The following ZC3H12C variants were observed in gnomAD, a reference collection of about 807,000 sequenced individuals.
ZC3H12C encodes the protein zinc finger CCCH-type containing 12C.
ZC3H12C carries 20 observed loss-of-function variants against 76.3 expected under a neutral mutation model. That is an observed-to-expected ratio of 0.26 (90% CI 0.18 to 0.38). The LOEUF (loss-of-function observed/expected upper bound fraction) is 0.38. Ranked by LOEUF, ZC3H12C falls within the 10% of genes least tolerant of loss-of-function variation. ZC3H12C has a pLI of 1.00. For synonymous variants in ZC3H12C, 352 were observed against 399.6 expected (o/e 0.88, Z 1.42); for missense variants, 874 against 1,086.5 (o/e 0.80, Z 2.75).
chr11:110,143,581 A>C (rs1862106648), intron 2 of ZC3H12C, among the ~76,000 whole-genome samples: 1 of 152,094 alleles, frequency 6.6e-6, no homozygotes, highest in Non-Finnish European at 1.5e-5. Flanking sequence ...TAATATAATT[A>C]ACTATATCTA....
At chr11:110,130,981 C>G (rs778780308) in intron 1 of ZC3H12C, 45 of 1,503,370 alleles carry the variant, frequency 3.0e-5, no homozygotes, top group Non-Finnish European at 3.9e-5. Flanking sequence ...AAAGACATTA[C>G]CATTCCATCT....
intron 1 of ZC3H12C, among the ~76,000 whole-genome samples, chr11:110,119,792 G>A (rs1591466373): frequency 6.6e-6 from 1 of 152,118 alleles, no homozygotes; most frequent in Non-Finnish European, 1.5e-5. Flanking sequence ...GTGATAGCGG[G>A]GCGAAGGAGC....
intron 1 of ZC3H12C, among the ~76,000 whole-genome samples, chr11:110,134,778 G>T (rs1189281543): frequency 6.6e-6 from 1 of 152,116 alleles, no homozygotes; most frequent in Non-Finnish European, 1.5e-5. Flanking sequence ...GTAGAACAAT[G>T]ATATTAAAGT....
chr11:110,141,891 T>C (rs1862072738), intron 2 of ZC3H12C, among the ~76,000 whole-genome samples: 1 of 152,226 alleles, frequency 6.6e-6, no homozygotes, highest in Admixed American at 6.5e-5. Context: ...TTTTTACTTT[T>C]TTAATATGGT....
chr11:110,113,003 CA>C (rs1297377834), intron 1 of ZC3H12C, among the ~76,000 whole-genome samples: 3 of 148,686 alleles, frequency 2.0e-5, no homozygotes, highest in East Asian at 2.0e-4. Flanking sequence ...CCCCCCCTAC[CA>C]AAAAAAAAGA....
intron 1 of ZC3H12C, among the ~76,000 whole-genome samples, chr11:110,128,324 G>A (rs78867454): frequency 3.3e-5 from 5 of 152,120 alleles, no homozygotes; most frequent in Admixed American, 1.3e-4. Flanking sequence ...ACTAGCAACC[G>A]AGATAGTCTA....
intron 1 of ZC3H12C, among the ~76,000 whole-genome samples, chr11:110,128,592 C>T (rs1011862659): frequency 6.6e-6 from 1 of 152,152 alleles, no homozygotes; most frequent in Non-Finnish European, 1.5e-5. Context: ...ACTGTCTATT[C>T]ATACCAAGTA....
At position 110,171,779 on chromosome 11, in the gene ZC3H12C, T is replaced by G. The variant is rs1347255191; in HGVS notation, c.*6042T>G. 1.3e-5 allele frequency: 2 copies of G among 152,204 alleles called. No homozygotes were observed. Among genetic ancestry groups the G allele is most frequent in the African/African-American group, 4.8e-5 (2 of 41,438 alleles). 9.4% of individuals were successfully genotyped at this position (152,204 alleles called of 1,614,324 possible). On this transcript the variant is annotated 3_prime_UTR_variant, in exon 6 of 6. Coordinates refer to ENST00000278590, the MANE Select transcript of ZC3H12C (RefSeq NM_033390.2). ...AACACATGGTCAGTATCAATGTAAA[T>G]GTTAGAGCCATGATTAATTCCTATG...
intron 1 of ZC3H12C, among the ~76,000 whole-genome samples, chr11:110,109,761 T>C (rs1262528471): frequency 6.6e-6 from 1 of 152,200 alleles, no homozygotes; most frequent in Non-Finnish European, 1.5e-5. Flanking sequence ...CTGTAGGCTA[T>C]AATTTTATTG....
Position 110,169,646 on chromosome 11 carries a change from T to TAAC in ZC3H12C, c.*3911_*3913dup, listed in dbSNP as rs1229687765. On this transcript the variant is annotated 3_prime_UTR_variant, in exon 6 of 6. Transcript: ENST00000278590. ...AATATATTAAAGATGTTAATTCAGCTAACAGTTAAGTTTCCAAGGTATACA... is the reference window on the plus strand; with the variant it reads ...AATATATTAAAGATGTTAATTCAGCTAACAACAGTTAAGTTTCCAAGGTATACA... 1 of 152,140 alleles carries TAAC rather than the reference T, an allele frequency of 6.6e-6. No homozygotes were observed. Among genetic ancestry groups the TAAC allele is most frequent in the Admixed American group, 6.6e-5 (1 of 15,260 alleles). 9.4% of individuals were successfully genotyped at this position (152,140 alleles called of 1,614,324 possible).
chr11:110,128,889 CAAAAAAAAAAAA>C (rs145436449), intron 1 of ZC3H12C, among the ~76,000 whole-genome samples: 30 of 94,152 alleles, frequency 3.2e-4, no homozygotes, highest in South Asian at 1.2e-3. Flanking sequence ...CCACCACTAA[CAAAAAAAAAAAA>C]AAAAAAAAAA....
rs546874431 is a variant in ZC3H12C, at chr11:110,138,021, A to G, written c.773+607A>G. The stretch of plus-strand genomic sequence containing the variant: ...GTAATCCCAACACTTCGAGAGGTCA[A>G]GATGGAAGGATCATTTGAGGCCAGG... On this transcript the variant is annotated intron_variant, in intron 2 of 5. Transcript: ENST00000278590. Among the ~76,000 whole-genome samples, 5 of 152,264 alleles carry G rather than the reference A, an allele frequency of 3.3e-5. No individual in the cohort carries two copies. The South Asian group carries it at 6.2e-4, about 19-fold the overall frequency.
intron 1 of ZC3H12C, among the ~76,000 whole-genome samples, chr11:110,107,868 G>C (rs533243658): frequency 1.3e-5 from 2 of 152,018 alleles, no homozygotes; most frequent in East Asian, 3.9e-4. Flanking sequence ...TTGCCATGTT[G>C]CCCAGGCTGG....
chr11:110,169,920 G>A lies in ZC3H12C; in HGVS notation c.*4183G>A, dbSNP rs1367551779. 1 of 152,222 alleles carries A rather than the reference G, an allele frequency of 6.6e-6. No individual in the cohort carries two copies. Among genetic ancestry groups the A allele is most frequent in the Non-Finnish European group, 1.5e-5 (1 of 68,030 alleles). 9.4% of individuals were successfully genotyped at this position (152,222 alleles called of 1,614,324 possible). A position where few individuals can be genotyped will look rare whatever the true frequency, so the allele number is the denominator to read the frequency against. ...ACAGCCACAGATAACATGTAAATTAGTGTGGCTGTGTTCCAATAAAACTTT... is the reference window on the plus strand; with the variant it reads ...ACAGCCACAGATAACATGTAAATTAATGTGGCTGTGTTCCAATAAAACTTT... On this transcript the variant is annotated 3_prime_UTR_variant, in exon 6 of 6. Coordinates refer to ENST00000278590, the MANE Select transcript of ZC3H12C (RefSeq NM_033390.2).
intron 4 of ZC3H12C, 101 bp from the exon 5 acceptor site, chr11:110,163,171 CA>C: frequency 1.2e-4 from 120 of 981,242 alleles, no homozygotes; most frequent in Middle Eastern, 2.2e-4. Flanking sequence ...ATTAAAATTG[CA>C]AAAAAAATTC....
chr11:110,159,087 T>C (rs1247630344), intron 3 of ZC3H12C, among the ~76,000 whole-genome samples, 169 bp from the exon 4 acceptor site: 1 of 152,194 alleles, frequency 6.6e-6, no homozygotes, highest in Non-Finnish European at 1.5e-5. Context: ...GAAGGAAAAA[T>C]ACTATTGAGA....
chr11:110,116,452 A>G (rs1861527635), intron 1 of ZC3H12C, among the ~76,000 whole-genome samples: 1 of 152,146 alleles, frequency 6.6e-6, no homozygotes, highest in Admixed American at 6.5e-5. Flanking sequence ...AGAGTCGGGC[A>G]TTTTAACTCT....
chr11:110,138,487 C>T (rs1017317447), intron 2 of ZC3H12C, among the ~76,000 whole-genome samples: 2 of 151,622 alleles, frequency 1.3e-5, no homozygotes, highest in African/African-American at 4.8e-5. Context: ...TTTGTTTAGG[C>T]TAACATGTCT....
In ZC3H12C at chr11:110,103,895, G is replaced by A. The variant is rs900887835; in HGVS notation, c.21+10463G>A. On this transcript the variant is annotated intron_variant, in intron 1 of 5. Transcript: ENST00000278590. ...TGGGATTACAGGCGTGAGCCACCGC[G>A]CCTGGCAGTTACTGAGATTTCTAAT... is the stretch of plus-strand genomic sequence containing the variant. Among the ~76,000 whole-genome samples the A allele has an allele frequency of 3.9e-5, 6 of 151,916 alleles. No homozygotes were observed. The South Asian group carries it at 1.0e-3, about 26-fold the overall frequency.
Sources: gnomAD v4.1 joint callset for allele counts (sites outside exome capture counted in the v4.1 genomes callset) on GRCh38, gnomAD v4.1.1 for gene constraint, MANE v1.5 for transcripts, NCBI Gene and HGNC (gene_info 2026-07-23, HGNC 2026-07-21) for gene names.